Variants in RNFT2 observed in about 807,000 individuals in gnomAD.
RNFT2 encodes the protein ring finger protein, transmembrane 2.
In RNFT2, 36 loss-of-function variants were observed where a neutral mutation model predicts 53.0. The ratio of observed to expected loss-of-function variants is 0.68; its 90% CI spans 0.52 to 0.90. The LOEUF is 0.90. RNFT2 is among the 40% of genes least tolerant of loss of function. RNFT2 has a pLI of 0.00. For synonymous variants in RNFT2, 260 were observed against 253.2 expected (o/e 1.03, Z -0.26); for missense variants, 514 against 585.6 (o/e 0.88, Z 1.26).
chr12:116,846,437 A>ATTTTTTTTTTTTTTTTTTTTTTT (rs35922781), intron 10 of RNFT2, among the ~76,000 whole-genome samples: 1 of 104,398 alleles, frequency 9.6e-6, no homozygotes. Flanking sequence ...TGCCCAGCTA[A>ATTTTTTTTTTTTTTTTTTTTTTT]TTTTTTTTTT....
chr12:116,765,443 G>A (rs1398769246), intron 5 of RNFT2, among the ~76,000 whole-genome samples: 1 of 152,164 alleles, frequency 6.6e-6, no homozygotes, highest in Non-Finnish European at 1.5e-5. Context: ...TGTGTCTGGA[G>A]ACACTGTGTA....
chr12:116,830,293 T>C (rs1876572555), intron 7 of RNFT2, among the ~76,000 whole-genome samples: 1 of 152,106 alleles, frequency 6.6e-6, no homozygotes, highest in African/African-American at 2.4e-5. Context: ...TTTATTGTTG[T>C]TTTTTTGTTT....
At chr12:116,774,473 C>T (rs1031904435) in intron 6 of RNFT2, among the ~76,000 whole-genome samples, 9 of 152,104 alleles carry the variant, frequency 5.9e-5, no homozygotes, top group South Asian at 4.1e-4. Context: ...ACTGCATAAG[C>T]GAATGCTAAT....
chr12:116,787,898 G>A (rs554442264), intron 7 of RNFT2, among the ~76,000 whole-genome samples: 11 of 151,616 alleles, frequency 7.3e-5, no homozygotes, highest in Admixed American at 6.6e-4. Context: ...TTGTGCTCCA[G>A]ACAGACAGAC....
Position 116,749,916 on chromosome 12 carries a change from A to T in RNFT2, c.159A>T (p.Ala53=), listed in dbSNP as rs2137071888. 1.3e-6 allele frequency: 2 copies of T among 1,585,526 alleles called. No individual in the cohort carries two copies. The highest frequency in any genetic ancestry group is 1.7e-6 in the Non-Finnish European group (2 of 1,165,860). ...GGVFESLKAE[A]ASPPALFSGL... ...TCTTTGAGAGTCTGAAGGCAGAGGC[A>T]GCCTCCCCACCAGCGCTCTTCTCGG... Residue 53 remains alanine (A), a synonymous_variant, in exon 4 of 11, where the codon GCA becomes GCT. Transcript: ENST00000257575.
At chr12:116,782,426 C>T (rs1873756596) in intron 7 of RNFT2, among the ~76,000 whole-genome samples, 2 of 151,768 alleles carry the variant, frequency 1.3e-5, no homozygotes, top group Admixed American at 1.3e-4. Flanking sequence ...ATTTGGGAGC[C>T]CAAGATGGGA....
intron 2 of RNFT2, 139 bp downstream of exon 2, chr12:116,740,660 T>C: frequency 1.2e-6 from 1 of 802,370 alleles, no homozygotes; most frequent in Non-Finnish European, 2.1e-6. Flanking sequence ...GTTACTGATT[T>C]GTCTAGGGTC....
At chr12:116,821,438 G>A (rs1275777255) in intron 7 of RNFT2, among the ~76,000 whole-genome samples, 1 of 152,230 alleles carries the variant, frequency 6.6e-6, no homozygotes, top group East Asian at 1.9e-4. Flanking sequence ...TGGGTCTGCA[G>A]GACTCTGCCA....
chr12:116,759,974 G>A (rs1209664968), intron 5 of RNFT2, among the ~76,000 whole-genome samples: 1 of 152,112 alleles, frequency 6.6e-6, no homozygotes, highest in African/African-American at 2.4e-5. Context: ...AAGGACCATC[G>A]GGTTGGGGTG....
At chr12:116,841,807 AT>A (rs1311155350) in intron 10 of RNFT2, among the ~76,000 whole-genome samples, 6 of 80,460 alleles carry the variant, frequency 7.5e-5, no homozygotes, top group African/African-American at 2.9e-4. Context: ...ATATATATAA[AT>A]ATATATATAA....
At chr12:116,840,943 T>TCC (rs397771826) in intron 10 of RNFT2, among the ~76,000 whole-genome samples, 2 of 151,750 alleles carry the variant, frequency 1.3e-5, no homozygotes, top group Non-Finnish European at 2.9e-5. Context: ...TGTGTGTGTG[T>TCC]CCTGTCTGGT....
At chr12:116,773,895 C>T (rs1873308420) in intron 6 of RNFT2, among the ~76,000 whole-genome samples, 1 of 152,130 alleles carries the variant, frequency 6.6e-6, no homozygotes, top group Non-Finnish European at 1.5e-5. Context: ...TAGAAGCAAC[C>T]CAGTGTCTAT....
At chr12:116,811,521 G>A (rs917256175) in intron 7 of RNFT2, among the ~76,000 whole-genome samples, 3 of 152,066 alleles carry the variant, frequency 2.0e-5, no homozygotes, top group East Asian at 1.9e-4. Flanking sequence ...GATTACAGGC[G>A]CCCACCACCA....
At chr12:116,769,960 G>A (rs547637430) in intron 6 of RNFT2, among the ~76,000 whole-genome samples, 87 of 152,248 alleles carry the variant, frequency 5.7e-4, no homozygotes, top group Non-Finnish European at 9.3e-4. Context: ...ATTTGAACCC[G>A]GGAGGCAGAG....
chr12:116,800,812 T>TAAAATAAAATAAAATAAAA (rs142455219), intron 7 of RNFT2, among the ~76,000 whole-genome samples: 1 of 114,790 alleles, frequency 8.7e-6, no homozygotes, highest in Non-Finnish European at 1.8e-5. Flanking sequence ...AGACTCCATC[T>TAAAATAAAATAAAATAAAA]TAAAATAAAA....
chr12:116,805,355 A>G (rs941879123), intron 7 of RNFT2, among the ~76,000 whole-genome samples: 1 of 152,132 alleles, frequency 6.6e-6, no homozygotes, highest in African/African-American at 2.4e-5. Context: ...GAATATATGT[A>G]CATAGATTTA....
chr12:116,766,779 C>T (rs1470362705), intron 5 of RNFT2, 35 bp from the exon 6 acceptor site: 3 of 1,502,034 alleles, frequency 2.0e-6, no homozygotes, highest in East Asian at 2.4e-5. Flanking sequence ...GCCACATGCA[C>T]CTTTGATATC....
intron 7 of RNFT2, among the ~76,000 whole-genome samples, chr12:116,831,547 AG>A (rs1385005443): frequency 6.9e-6 from 1 of 145,054 alleles, no homozygotes; most frequent in African/African-American, 2.5e-5. Context: ...TTTTTTTTTT[AG>A]TATTACAAAG....
Position 116,753,865 on chromosome 12 carries a change from T to C in RNFT2, c.551-119T>C, listed in dbSNP as rs558455874. The C allele has an allele frequency of 9.8e-6, 7 of 713,874 alleles. No individual in the cohort carries two copies. In the South Asian group the frequency reaches 1.0e-4, roughly 10 times the overall value. The allele number at this position is 713,874 out of a possible 1,614,324, so 44.2% of individuals were successfully genotyped here. ...AGAAGTGGGATTTTTTTTATTTTTCTCTCTCTTCTGTCAACTCTGAGGGGA... is the reference window on the plus strand; with the variant it reads ...AGAAGTGGGATTTTTTTTATTTTTCCCTCTCTTCTGTCAACTCTGAGGGGA... On this transcript the variant is annotated intron_variant, in intron 4 of 10. Transcript: ENST00000257575.
Sources: gnomAD v4.1 joint callset for allele counts (sites outside exome capture counted in the v4.1 genomes callset) on GRCh38, gnomAD v4.1.1 for gene constraint, MANE v1.5 for transcripts, NCBI Gene and HGNC (gene_info 2026-07-23, HGNC 2026-07-21) for gene names.